Variants in LRCH3 observed in about 807,000 individuals in gnomAD.
The protein encoded by LRCH3 is leucine rich repeats and calponin homology domain containing 3, also known as DISP complex protein LRCH3.
Under a neutral mutation model 104.5 loss-of-function variants are expected in LRCH3, and 68 were observed. The observed-to-expected ratio is 0.65, with a 90% CI of 0.54 to 0.80. LRCH3 has a LOEUF of 0.80. Ranked by LOEUF, LRCH3 falls within the 30% of genes least tolerant of loss-of-function variation. LRCH3 has a pLI of 0.00. For synonymous variants in LRCH3, 344 were observed against 361.3 expected, an observed-to-expected ratio of 0.95 and a Z score of 0.54; for missense variants, 951 against 953.9, an observed-to-expected ratio of 1.00 and a Z score of 0.04.
rs536217570 is a variant in LRCH3, at chr3:197,885,565, G to C, written c.*1899G>C. 1.3e-5 allele frequency: 2 copies of C among 152,438 alleles called. No homozygotes were observed. The highest frequency in any genetic ancestry group is 4.8e-5 in the African/African-American group (2 of 41,460). The allele number at this position is 152,438 out of a possible 1,614,324, so 9.4% of individuals were successfully genotyped here. ...GCGGAGGTTGTGGTGAGCCAAGATC[G>C]TGCCATTGCACCCCAGCCTGGGCAA... On this transcript the variant is annotated 3_prime_UTR_variant, in exon 21 of 21. Transcript: ENST00000425562.
At chr3:197,846,351 C>T (rs1738686587) in intron 10 of LRCH3, among the ~76,000 whole-genome samples, 4 of 147,526 alleles carry the variant, frequency 2.7e-5, no homozygotes, top group Admixed American at 2.7e-4. Context: ...CTGCAGTGAG[C>T]CATGATCACG....
chr3:197,796,492 A>T (rs1322774878), intron 1 of LRCH3, among the ~76,000 whole-genome samples: 2 of 152,232 alleles, frequency 1.3e-5, no homozygotes, highest in Non-Finnish European at 2.9e-5. Flanking sequence ...AATTTATTTA[A>T]AAAAGGATAG....
chr3:197,884,923 A>G lies in LRCH3; in HGVS notation c.*1257A>G, dbSNP rs1053242003. The G allele has an allele frequency of 1.3e-5, 2 of 152,276 alleles. No homozygotes were observed. The highest frequency in any genetic ancestry group is 2.9e-5 in the Non-Finnish European group (2 of 68,084). 9.4% of individuals were successfully genotyped at this position (152,276 alleles called of 1,614,324 possible). A position where few individuals can be genotyped will look rare whatever the true frequency, so the allele number is the denominator to read the frequency against. ...CCATCGGGCCTGGCCCAGATTTTGC[A>G]TAGTAAAACAGTGAAACAGATAGAG... On this transcript the variant is annotated 3_prime_UTR_variant, in exon 21 of 21. Transcript: ENST00000425562.
intron 12 of LRCH3, chr3:197,850,298 T>C: frequency 1.6e-6 from 1 of 629,650 alleles, no homozygotes; most frequent in South Asian, 2.0e-5. Context: ...TTTAAGTACA[T>C]TATATATATT....
At chr3:197,832,918 T>C (rs1463418927) in intron 8 of LRCH3, among the ~76,000 whole-genome samples, 1 of 152,170 alleles carries the variant, frequency 6.6e-6, no homozygotes, top group Non-Finnish European at 1.5e-5. Context: ...AATTTCATAT[T>C]TAAATTTTGA....
rs1462684394 is a variant in LRCH3 at position 197,875,786 on chromosome 3, TATC to T, written c.2208+14_2208+16del. 4 of 1,493,506 alleles carry T rather than the reference TATC, an allele frequency of 2.7e-6. No individual in the cohort carries two copies. In the African/African-American group the frequency reaches 4.2e-5, roughly 16 times the overall value. The allele number at this position is 1,493,506 out of a possible 1,614,324, so 92.5% of individuals were successfully genotyped here. On this transcript the variant is annotated intron_variant, in intron 20 of 20. Coordinates refer to ENST00000425562, the MANE Select transcript of LRCH3 (RefSeq NM_001365715.1). ...ATTGGTGTACCTCAGGTAATAAATT[TATC>T]ATTTTTTATGTTGCCTAAATAGACT...
chr3:197,825,033 A>G (rs1734993220), intron 4 of LRCH3, among the ~76,000 whole-genome samples: 2 of 152,174 alleles, frequency 1.3e-5, no homozygotes, highest in South Asian at 4.1e-4. Context: ...AAATGTCTTT[A>G]TTCTATGTTC....
In LRCH3 at chr3:197,888,086, T is replaced by A. The variant is rs959372829; in HGVS notation, c.*4420T>A. 1 of 152,254 alleles carries A rather than the reference T, an allele frequency of 6.6e-6. No individual in the cohort carries two copies. Among genetic ancestry groups the A allele is most frequent in the Non-Finnish European group, 1.5e-5 (1 of 68,058 alleles). 9.4% of individuals were successfully genotyped at this position (152,254 alleles called of 1,614,324 possible). ...TGCGATTTCTCTTACTTTCTACAGC[T>A]CAGCAGTGACTAATGATGTGTGACT... is the stretch of plus-strand genomic sequence containing the variant. On this transcript the variant is annotated 3_prime_UTR_variant, in exon 21 of 21. Transcript: ENST00000425562.
chr3:197,850,043 T>G (rs1739353339), intron 12 of LRCH3, among the ~76,000 whole-genome samples: 1 of 152,130 alleles, frequency 6.6e-6, no homozygotes, highest in Admixed American at 6.5e-5. Context: ...GTAGGTAGGA[T>G]TTAGCCAGGA....
intron 4 of LRCH3, among the ~76,000 whole-genome samples, chr3:197,826,348 A>G (rs1265464111): frequency 6.6e-6 from 1 of 152,152 alleles, no homozygotes; most frequent in Non-Finnish European, 1.5e-5. Context: ...TGAGGTCTTA[A>G]TGTTAAGTGT....
intron 4 of LRCH3, chr3:197,823,195 C>G (rs1734705359): frequency 6.6e-6 from 1 of 150,698 alleles, no homozygotes; most frequent in African/African-American, 2.5e-5. Context: ...GTCTCAAACT[C>G]CTGACCTCAT....
intron 20 of LRCH3, chr3:197,881,335 A>C: frequency 2.0e-6 from 2 of 988,814 alleles, no homozygotes; most frequent in Non-Finnish European, 1.2e-6. Flanking sequence ...TAGTTTGGTC[A>C]GAATGTTCAG....
chr3:197,805,765 T>C (rs562363405), intron 1 of LRCH3, among the ~76,000 whole-genome samples: 11 of 152,178 alleles, frequency 7.2e-5, no homozygotes, highest in African/African-American at 1.9e-4. Context: ...CCTCTGATTA[T>C]TGGAGTTTTT....
At chr3:197,832,739 C>T (rs1222138903) in intron 8 of LRCH3, among the ~76,000 whole-genome samples, 2 of 146,720 alleles carry the variant, frequency 1.4e-5, no homozygotes, top group Non-Finnish European at 3.0e-5. Flanking sequence ...TTGTCAGATG[C>T]TCTTCAAAGT....
chr3:197,832,857 G>A (rs548582307), intron 8 of LRCH3, among the ~76,000 whole-genome samples: 4 of 151,936 alleles, frequency 2.6e-5, no homozygotes, highest in Non-Finnish European at 4.4e-5. Flanking sequence ...CTTGATTTTC[G>A]CATTCAATTC....
intron 10 of LRCH3, among the ~76,000 whole-genome samples, chr3:197,843,465 C>T (rs1392980031): frequency 6.6e-6 from 1 of 152,090 alleles, no homozygotes; most frequent in East Asian, 1.9e-4. Flanking sequence ...GGTGGATCCC[C>T]TAAGGTCAGG....
rs1480923741 is a variant in LRCH3, at chr3:197,847,877, A to G, written c.1386A>G (p.Ser462=). The stretch of plus-strand genomic sequence containing the variant: ...CAATAACGCTTTGGTTCCAGCTGTC[A>G]CACACAGACCTGGAACTTCATCAGA... The part of the protein sequence containing the change: ...LSLSASHNQL[S]HTDLELHQRR... Residue 462 remains serine (S), a synonymous_variant, in exon 12 of 21, where the codon TCA becomes TCG. Coordinates refer to ENST00000425562, the MANE Select transcript of LRCH3 (RefSeq NM_001365715.1). The G allele has an allele frequency of 1.2e-6, 2 of 1,613,978 alleles. No homozygotes were observed. The highest frequency in any genetic ancestry group is 3.3e-4 in the Middle Eastern group (2 of 6,062).
At chr3:197,815,211 C>A (rs1733669811) in intron 2 of LRCH3, among the ~76,000 whole-genome samples, 159 bp downstream of exon 2, 1 of 152,112 alleles carries the variant, frequency 6.6e-6, no homozygotes, top group Non-Finnish European at 1.5e-5. Flanking sequence ...TATGTCCCTC[C>A]AGTTTCTCTC....
At chr3:197,835,970 C>T (rs1311935484) in intron 9 of LRCH3, 148 bp downstream of exon 9, 12 of 839,632 alleles carry the variant, frequency 1.4e-5, no homozygotes, top group Non-Finnish European at 2.1e-5. Flanking sequence ...CTGAGTTTTT[C>T]AGATTTATTC....
Sources: gnomAD v4.1 joint callset for allele counts (sites outside exome capture counted in the v4.1 genomes callset) on GRCh38, gnomAD v4.1.1 for gene constraint, MANE v1.5 for transcripts, NCBI Gene and HGNC (gene_info 2026-07-23, HGNC 2026-07-21) for gene names.